The following BTF3L4 variants were observed in gnomAD, a reference collection of about 807,000 sequenced individuals.
BTF3L4 encodes basic transcription factor 3 like 4.
Under a neutral mutation model 16.8 loss-of-function variants are expected in BTF3L4, and 6 were observed. That is an observed-to-expected ratio of 0.36 (90% CI 0.20 to 0.71). The LOEUF (loss-of-function observed/expected upper bound fraction) is 0.71. Ranked by LOEUF, BTF3L4 falls within the 30% of genes least tolerant of loss-of-function variation. The pLI is 0.58. For missense variants in BTF3L4, 92 were observed against 186.9 expected (o/e 0.49, Z 2.96); for synonymous variants, 39 against 59.8 (o/e 0.65, Z 1.60).
intron 3 of BTF3L4, among the ~76,000 whole-genome samples, chr1:52,075,640 T>A (rs1686913368): frequency 6.8e-6 from 1 of 147,982 alleles, no homozygotes. Flanking sequence ...TATATATTTG[T>A]ATATAATAAA....
intron 2 of BTF3L4, 55 bp from the exon 3 acceptor site, chr1:52,064,770 A>G: frequency 2.0e-6 from 2 of 990,620 alleles, no homozygotes; most frequent in Non-Finnish European, 3.1e-6. Context: ...ATGTGATTGC[A>G]GTTGCCAGAT....
At chr1:52,080,675 A>G (rs2124442685) in intron 3 of BTF3L4, among the ~76,000 whole-genome samples, 1 of 151,682 alleles carries the variant, frequency 6.6e-6, no homozygotes. Context: ...CTGGGGTTAT[A>G]GGTGCCTGCC....
intron 2 of BTF3L4, 35 bp downstream of exon 2, chr1:52,059,936 G>T (rs764706299): frequency 6.4e-7 from 1 of 1,572,936 alleles, no homozygotes; most frequent in Admixed American, 1.7e-5. Flanking sequence ...ATAGGAGAAT[G>T]TATGATTACC....
intron 3 of BTF3L4, among the ~76,000 whole-genome samples, chr1:52,068,573 G>C (rs1463438804): frequency 6.6e-6 from 1 of 152,098 alleles, no homozygotes; most frequent in Admixed American, 6.6e-5. Context: ...TTTGAACTAA[G>C]GTGTGTCAAA....
intron 2 of BTF3L4, among the ~76,000 whole-genome samples, chr1:52,064,128 C>T (rs1686587100): frequency 6.6e-6 from 1 of 152,190 alleles, no homozygotes; most frequent in African/African-American, 2.4e-5. Flanking sequence ...CATACTGGCC[C>T]ATTTTCTCTC....
At chr1:52,073,036 C>G (rs982645637) in intron 3 of BTF3L4, among the ~76,000 whole-genome samples, 3 of 151,918 alleles carry the variant, frequency 2.0e-5, no homozygotes, top group African/African-American at 7.3e-5. Context: ...CCAGCCTGAG[C>G]AACAGAGCAA....
At chr1:52,070,122 TAGG>T (rs1256288826) in intron 3 of BTF3L4, among the ~76,000 whole-genome samples, 3 of 151,158 alleles carry the variant, frequency 2.0e-5, no homozygotes, top group African/African-American at 7.3e-5. Flanking sequence ...GAGGCTGAGG[TAGG>T]AGAATCGCTT....
chr1:52,085,680 T>C (rs1643965873), intron 4 of BTF3L4, among the ~76,000 whole-genome samples: 1 of 151,980 alleles, frequency 6.6e-6, no homozygotes, highest in Non-Finnish European at 1.5e-5. Context: ...TGAAACCCCA[T>C]CTCTACTAAA....
intron 2 of BTF3L4, among the ~76,000 whole-genome samples, chr1:52,062,654 A>G (rs1686546849): frequency 6.6e-6 from 1 of 152,188 alleles, no homozygotes; most frequent in African/African-American, 2.4e-5. Context: ...GATTTTAAGA[A>G]GGAAATGACT....
Position 52,083,524 on chromosome 1 carries a change from A to G in BTF3L4, c.353A>G (p.Glu118Gly). Reference sequence around the variant, plus strand: ...TTAACAAGCCTTAGGAAGTTAGCTGAACAGTTCCCACGGCAAGGTAGGTAT... The same window carrying G: ...TTAACAAGCCTTAGGAAGTTAGCTGGACAGTTCCCACGGCAAGGTAGGTAT... ...DSLTSLRKLAEQFPRQVLDSK... is the reference protein window; with the variant it reads ...DSLTSLRKLAGQFPRQVLDSK... Residue 118 changes from glutamate (E) to glycine (G), a missense_variant, in exon 4 of 6, where the codon GAA becomes GGA. Coordinates refer to ENST00000313334, the MANE Select transcript of BTF3L4 (RefSeq NM_152265.5). The G allele has an allele frequency of 6.2e-7, 1 of 1,612,970 alleles. No homozygotes were observed. The highest frequency in any genetic ancestry group is 8.5e-7 in the Non-Finnish European group (1 of 1,179,108).
chr1:52,058,244 A>G (rs1200439831), intron 1 of BTF3L4, among the ~76,000 whole-genome samples: 1 of 152,188 alleles, frequency 6.6e-6, no homozygotes, highest in Admixed American at 6.5e-5. Flanking sequence ...TTCCTCCTAT[A>G]AAAGTGTTTT....
intron 3 of BTF3L4, among the ~76,000 whole-genome samples, chr1:52,079,426 T>G (rs1459767220): frequency 1.3e-5 from 2 of 151,846 alleles, no homozygotes; most frequent in Non-Finnish European, 2.9e-5. Context: ...TGTTTTACCT[T>G]CTAGTATTTC....
At chr1:52,061,947 T>A (rs1025577696) in intron 2 of BTF3L4, among the ~76,000 whole-genome samples, 6 of 150,674 alleles carry the variant, frequency 4.0e-5, no homozygotes, top group Non-Finnish European at 8.9e-5. Context: ...CGGCCTCTTT[T>A]TTTTTTTAAG....
rs984474154 is a variant in BTF3L4 at position 52,060,358 on chromosome 1, G to A, written c.54+457G>A. ...TGTTAGGGTTACTTTGTCTTGACTG[G>A]ATGTTACCTACTTGTACAGAGGTTT... is the stretch of plus-strand genomic sequence containing the variant. On this transcript the variant is annotated intron_variant, in intron 2 of 5. Transcript: ENST00000313334. 3 of 694,052 alleles carry A rather than the reference G, an allele frequency of 4.3e-6. No individual in the cohort carries two copies. In the African/African-American group the frequency reaches 5.6e-5, roughly 13 times the overall value. The allele number at this position is 694,052 out of a possible 1,614,324, so 43.0% of individuals were successfully genotyped here.
intron 2 of BTF3L4, among the ~76,000 whole-genome samples, chr1:52,062,103 A>AT (rs1371348079): frequency 6.7e-6 from 1 of 148,398 alleles, no homozygotes; most frequent in Non-Finnish European, 1.5e-5. Flanking sequence ...TGCCCGGCTA[A>AT]TTTTTTGTAT....
At chr1:52,058,604 CTTT>C (rs554662650) in intron 1 of BTF3L4, among the ~76,000 whole-genome samples, 2 of 141,264 alleles carry the variant, frequency 1.4e-5, no homozygotes, top group Non-Finnish European at 3.1e-5. Flanking sequence ...TTTAATTTGG[CTTT>C]TTTTTTTTTT....
intron 1 of BTF3L4, among the ~76,000 whole-genome samples, chr1:52,059,231 AAT>A (rs1686450573): frequency 6.6e-6 from 1 of 152,216 alleles, no homozygotes; most frequent in Non-Finnish European, 1.5e-5. Flanking sequence ...AGAAGCACCA[AAT>A]GTCTGAAAAC....
At chr1:52,061,530 G>T (rs779314354) in intron 2 of BTF3L4, among the ~76,000 whole-genome samples, 2 of 150,400 alleles carry the variant, frequency 1.3e-5, no homozygotes, top group Non-Finnish European at 3.0e-5. Context: ...GGGTTCATGA[G>T]ATAGAGTAAA....
rs1572018859 is a variant in BTF3L4, at chr1:52,059,796, A to G, written c.-13-39A>G. The G allele has an allele frequency of 6.3e-6, 10 of 1,598,142 alleles. No homozygotes were observed. The East Asian group carries it at 2.0e-4, about 32-fold the overall frequency. On this transcript the variant is annotated intron_variant, in intron 1 of 5. Coordinates refer to ENST00000313334, the MANE Select transcript of BTF3L4 (RefSeq NM_152265.5). ...GCATAAACAGTTTGTTAATTTCGGC[A>G]AAAGAGTGACTTTAACAAATCTATT...
Sources: gnomAD v4.1 joint callset for allele counts (sites outside exome capture counted in the v4.1 genomes callset) on GRCh38, gnomAD v4.1.1 for gene constraint, MANE v1.5 for transcripts, NCBI Gene and HGNC (gene_info 2026-07-23, HGNC 2026-07-21) for gene names.